The following TTLL10 variants were observed in gnomAD, a reference collection of about 807,000 sequenced individuals.
TTLL10 encodes the protein tubulin tyrosine ligase like 10, also known as inactive polyglycylase TTLL10.
A neutral mutation model predicts 69.0 loss-of-function variants in TTLL10; 61 were observed. That is an observed-to-expected ratio of 0.88 (90% CI 0.72 to 1.09). The LOEUF is 1.09. TTLL10 is among the 50% of genes least tolerant of loss of function. The pLI is 0.00. For synonymous variants in TTLL10, 408 were observed against 393.3 expected (o/e 1.04, Z -0.44); for missense variants, 962 against 945.9 (o/e 1.02, Z -0.22).
chr1:1,182,565 A>T, intron 10 of TTLL10, 119 bp downstream of exon 10: 2 of 1,101,230 alleles, frequency 1.8e-6, no homozygotes, highest in Non-Finnish European at 1.4e-6. Flanking sequence ...GGCTGGGACG[A>T]GACGAGGTGG....
Position 1,181,905 on chromosome 1 carries a change from T to A in TTLL10, c.830+90T>A. The A allele has an allele frequency of 7.7e-7, 1 of 1,290,828 alleles. No individual in the cohort carries two copies. The highest frequency in any genetic ancestry group is 1.3e-5 in the South Asian group (1 of 74,834). The allele number at this position is 1,290,828 out of a possible 1,614,324, so 80.0% of individuals were successfully genotyped here. On this transcript the variant is annotated intron_variant, in intron 9 of 15. Coordinates refer to ENST00000379289, the MANE Select transcript of TTLL10 (RefSeq NM_001130045.2). This position sits in a 1 kb window ranked among gnomAD's most constrained non-coding sequence, Gnocchi z 4.6. ...TGAAAAGGAGAAAGCGGGGCGGGGG[T>A]CCCACACAAAGGAAAACCACGAGCT... is the stretch of plus-strand genomic sequence containing the variant.
chr1:1,176,325 T>C, intron 3 of TTLL10: 1 of 445,826 alleles, frequency 2.2e-6, no homozygotes, highest in Non-Finnish European at 4.5e-6. Context: ...GGAGAGAGGC[T>C]GACACTGTGC....
intron 13 of TTLL10, among the ~76,000 whole-genome samples, chr1:1,190,903 GC>G (rs1647724488): frequency 6.6e-6 from 1 of 151,874 alleles, no homozygotes; most frequent in South Asian, 2.1e-4. Flanking sequence ...TCAGCTCACT[GC>G]AGCCTCTGCC....
intron 13 of TTLL10, among the ~76,000 whole-genome samples, chr1:1,186,092 CTTT>C: frequency 7.0e-6 from 1 of 143,692 alleles, no homozygotes; most frequent in Non-Finnish European, 1.5e-5. Flanking sequence ...CTTTTCTTTT[CTTT>C]TTTTTTTTTT....
chr1:1,180,385 C>T (rs1259610233), intron 6 of TTLL10, 45 bp downstream of exon 6: 9 of 1,539,356 alleles, frequency 5.8e-6, no homozygotes, highest in South Asian at 2.4e-5. Context: ...GAATACCCAC[C>T]GCCTGCTCCC....
Position 1,180,131 on chromosome 1 carries a change from G to T in TTLL10, c.297G>T (p.Pro99=). ...PDHDADGHCG[P]DLEGAERASA... is the part of the protein sequence containing the mutation. ...ACGACGCAGATGGACACTGTGGGCC[G>T]GACCTGGAGGGGGCAGAAAGAGCCT... The change falls in exon 6 of 16, where the codon CCG becomes CCT. Residue 99 remains proline (P), a synonymous_variant. Transcript: ENST00000379289. 1 of 1,611,092 alleles carries T rather than the reference G, an allele frequency of 6.2e-7. No homozygotes were observed. The highest frequency in any genetic ancestry group is 8.5e-7 in the Non-Finnish European group (1 of 1,179,308).
chr1:1,183,667 T>C (rs1388995464), intron 11 of TTLL10, among the ~76,000 whole-genome samples: 1 of 152,230 alleles, frequency 6.6e-6, no homozygotes, highest in Non-Finnish European at 1.5e-5. Context: ...GCCACCTTCA[T>C]GCCCTCCTCC....
intron 4 of TTLL10, 109 bp downstream of exon 4, chr1:1,179,442 G>A: frequency 1.6e-6 from 2 of 1,273,328 alleles, no homozygotes; most frequent in Non-Finnish European, 2.2e-6. Flanking sequence ...GCAGGGGCAG[G>A]ATCCACACAT....
intron 13 of TTLL10, among the ~76,000 whole-genome samples, chr1:1,186,177 C>T (rs112904239): frequency 0.023 from 3,546 of 152,192 alleles, 66 homozygotes; most frequent in Non-Finnish European, 0.038. Flanking sequence ...CAACCTCCAC[C>T]TCCTGGGTTC....
At chr1:1,190,856 G>A (rs4578157) in intron 13 of TTLL10, among the ~76,000 whole-genome samples, 21,376 of 151,198 alleles carry the variant, frequency 0.14, 2,557 homozygotes, top group East Asian at 0.59. Context: ...ATGGAGTTTC[G>A]CTCTTGTCAC....
At chr1:1,192,095 G>A (rs550184246) in intron 13 of TTLL10, among the ~76,000 whole-genome samples, 82 of 152,332 alleles carry the variant, frequency 5.4e-4, no homozygotes, top group African/African-American at 1.6e-3. Flanking sequence ...TTGGGGGGGG[G>A]CCTGCTCCCA....
intron 3 of TTLL10, among the ~76,000 whole-genome samples, chr1:1,176,760 C>T (rs1408775485): frequency 2.0e-5 from 3 of 152,210 alleles, no homozygotes; most frequent in Non-Finnish European, 2.9e-5. Context: ...CCCTGCTGTG[C>T]GGCACCTCGG....
At chr1:1,191,894 C>T (rs1028086886) in intron 13 of TTLL10, among the ~76,000 whole-genome samples, 2 of 152,286 alleles carry the variant, frequency 1.3e-5, no homozygotes, top group Non-Finnish European at 2.9e-5. Flanking sequence ...AGACACAGAT[C>T]GCTCCTGCTA....
At chr1:1,186,797 G>T (rs1340302842) in intron 13 of TTLL10, among the ~76,000 whole-genome samples, 1 of 151,620 alleles carries the variant, frequency 6.6e-6, no homozygotes, top group Non-Finnish European at 1.5e-5. Context: ...CTATTCAAAC[G>T]CTGTGGCTGT....
At chr1:1,191,488 T>C (rs1307498202) in intron 13 of TTLL10, among the ~76,000 whole-genome samples, 6 of 152,266 alleles carry the variant, frequency 3.9e-5, no homozygotes, top group Admixed American at 3.3e-4. Context: ...CAAAAAACAC[T>C]TGAAACTTGT....
chr1:1,180,042 C>T lies in TTLL10; in HGVS notation c.208C>T (p.His70Tyr). 6.4e-7 allele frequency: 1 copy of T among 1,553,934 alleles called. No individual in the cohort carries two copies. Among genetic ancestry groups the T allele is most frequent in the Non-Finnish European group, 8.7e-7 (1 of 1,149,674 alleles). ...CCCCACCCCGTTCACAGGCCCGGCCCACGAGAGGCCAATGGGGAGCAGCCA... is the reference window on the plus strand; with the variant it reads ...CCCCACCCCGTTCACAGGCCCGGCCTACGAGAGGCCAATGGGGAGCAGCCA... Reference protein sequence around the residue: ...APGHCPVGPAHERPMGSSQEE... With the variant: ...APGHCPVGPAYERPMGSSQEE... The change falls in exon 6 of 16, where the codon CAC becomes TAC. Residue 70 changes from histidine to tyrosine, a missense_variant. By Grantham distance (83) the His-to-Tyr change is moderately conservative. Coordinates refer to ENST00000379289, the MANE Select transcript of TTLL10 (RefSeq NM_001130045.2).
Position 1,185,287 on chromosome 1 carries a change from C to G in TTLL10, c.1401+178C>G. The G allele has an allele frequency of 7.1e-7, 1 of 1,412,720 alleles. No homozygotes were observed. The highest frequency in any genetic ancestry group is 2.6e-5 in the East Asian group (1 of 37,942). 87.5% of individuals were successfully genotyped at this position (1,412,720 alleles called of 1,614,324 possible). On this transcript the variant is annotated intron_variant, in intron 13 of 15. Coordinates refer to ENST00000379289, the MANE Select transcript of TTLL10 (RefSeq NM_001130045.2). The surrounding 1 kb of genome is among the most constrained non-coding windows in gnomAD (Gnocchi z 6.1). ...TCTCTGCTCACTTAGCTGGCAGTGC[C>G]TGTCCCCAGCAGCCAGCAAAGGCCC...
At chr1:1,196,542 C>A in intron 13 of TTLL10, 58 bp from the exon 14 acceptor site, 1 of 1,327,232 alleles carries the variant, frequency 7.5e-7, no homozygotes, top group Non-Finnish European at 1.1e-6. Flanking sequence ...CTGTTCAGAC[C>A]TGGGGTGTGA....
rs563500531 is a variant in TTLL10 at position 1,181,982 on chromosome 1, G to A, written c.830+167G>A. ...CCGAGATCCACGCTGACCCCCCAGT[G>A]CACACAGAGCTGGGGCAGGGCCAGG... On this transcript the variant is annotated intron_variant, in intron 9 of 15. Transcript: ENST00000379289. This position sits in a 1 kb window ranked among gnomAD's most constrained non-coding sequence, Gnocchi z 4.6. Among the ~76,000 whole-genome samples, 118 of 152,382 alleles carry A rather than the reference G, an allele frequency of 7.7e-4. No homozygotes were observed. The highest frequency in any genetic ancestry group is 2.8e-3 in the African/African-American group (115 of 41,602).
Sources: gnomAD v4.1 joint callset for allele counts (sites outside exome capture counted in the v4.1 genomes callset) on GRCh38, gnomAD v4.1.1 for gene constraint, Gnocchi (gnomAD v3.1) non-coding constraint, MANE v1.5 for transcripts, NCBI Gene and HGNC (gene_info 2026-07-23, HGNC 2026-07-21) for gene names.